Variants in LONP2 observed in about 807,000 individuals in gnomAD.
LONP2 encodes the protein lon protease homolog 2, peroxisomal.
Under a neutral mutation model 85.6 loss-of-function variants are expected in LONP2, and 60 were observed. The ratio of observed to expected loss-of-function variants is 0.70; its 90% confidence interval spans 0.57 to 0.87. The LOEUF is 0.87. LONP2 is among the 40% of genes least tolerant of loss of function. The probability of loss-of-function intolerance (pLI) is 0.00; values close to 1 mark genes in which losing one functional copy is unlikely to be tolerated. For missense variants in LONP2, 860 were observed against 1,063.5 expected (o/e 0.81, Z 2.66); for synonymous variants, 395 against 389.7 (o/e 1.01, Z -0.16).
rs1357267537 is a variant in LONP2 at position 48,311,388 on chromosome 16, A to G, written c.1795+8083A>G. Among the ~76,000 whole-genome samples, 4 of 150,636 alleles carry G rather than the reference A, an allele frequency of 2.7e-5. No individual in the cohort carries two copies. The East Asian group carries it at 7.8e-4, about 29-fold the overall frequency. On this transcript the variant is annotated intron_variant, in intron 11 of 14. Transcript: ENST00000285737. ...TTTTTTTTTTTGTCTGACTGGATTA[A>G]TTGAAAAAACCTATCTTAAAGTTCT...
At chr16:48,347,085 C>T (rs1428663916) in intron 12 of LONP2, among the ~76,000 whole-genome samples, 2 of 152,050 alleles carry the variant, frequency 1.3e-5, no homozygotes, top group Non-Finnish European at 2.9e-5. Flanking sequence ...AGCCAGGAGG[C>T]AGAGTTTTCA....
chr16:48,270,177 A>G lies in LONP2; in HGVS notation c.1144A>G (p.Thr382Ala). The change falls in exon 7 of 15, where the codon ACA (threonine) becomes GCA (alanine). Residue 382 changes from threonine to alanine, a missense_variant. Physicochemically the swap from Thr to Ala is moderately conservative, Grantham distance 58. Around this residue, in one of 3 missense-constraint regions of LONP2, gnomAD observed 743 missense variants for 917.3 expected, o/e 0.81. Transcript: ENST00000285737. ...TGTTGGCCCTCCTGGAGTTGGTAAA[A>G]CAAGTGTGGGAAGATCAGTGGCCAA... Reference protein sequence around the residue: ...CFVGPPGVGKTSVGRSVAKTL... With the variant: ...CFVGPPGVGKASVGRSVAKTL... The G allele has an allele frequency of 1.2e-6, 2 of 1,614,060 alleles. No homozygotes were observed.
At chr16:48,338,183 G>C (rs1032865105) in intron 12 of LONP2, among the ~76,000 whole-genome samples, 1 of 152,100 alleles carries the variant, frequency 6.6e-6, no homozygotes, top group Admixed American at 6.5e-5. Flanking sequence ...GTTTCTTCTA[G>C]AAAGAGTTTG....
chr16:48,351,325 G>A (rs556442665), intron 14 of LONP2, among the ~76,000 whole-genome samples: 165 of 152,252 alleles, frequency 1.1e-3, no homozygotes, highest in African/African-American at 3.7e-3. Flanking sequence ...ATCATTGACA[G>A]AAGAGGAACT....
chr16:48,275,520 A>C (rs1326483628), intron 7 of LONP2, among the ~76,000 whole-genome samples: 1 of 152,172 alleles, frequency 6.6e-6, no homozygotes, highest in Non-Finnish European at 1.5e-5. Context: ...TTATGGGGCC[A>C]GTAAGTGCTG....
intron 12 of LONP2, among the ~76,000 whole-genome samples, chr16:48,339,541 G>A (rs1959755557): frequency 6.6e-6 from 1 of 152,172 alleles, no homozygotes; most frequent in Non-Finnish European, 1.5e-5. Context: ...AGAGAATATG[G>A]ATGTCAAAGG....
At chr16:48,259,599 G>A (rs780495602) in intron 4 of LONP2, among the ~76,000 whole-genome samples, 1 of 152,198 alleles carries the variant, frequency 6.6e-6, no homozygotes, top group East Asian at 1.9e-4. Flanking sequence ...GTTCATCAGC[G>A]CAGAAGTCTT....
intron 10 of LONP2, among the ~76,000 whole-genome samples, 186 bp from the exon 11 acceptor site, chr16:48,302,986 G>T (rs1972837774): frequency 6.6e-6 from 1 of 152,202 alleles, no homozygotes; most frequent in Non-Finnish European, 1.5e-5. Context: ...TGTTGTAGCT[G>T]AAAATAGATC....
At chr16:48,280,199 T>C (rs1422380292) in intron 8 of LONP2, among the ~76,000 whole-genome samples, 3 of 152,252 alleles carry the variant, frequency 2.0e-5, no homozygotes, top group African/African-American at 4.8e-5. Flanking sequence ...TAGTTTCTTA[T>C]ATAATATCTT....
At chr16:48,314,680 G>A (rs1973104804) in intron 11 of LONP2, among the ~76,000 whole-genome samples, 1 of 152,062 alleles carries the variant, frequency 6.6e-6, no homozygotes, top group South Asian at 2.1e-4. Context: ...TCTTAAATAA[G>A]TTTTTTAAGA....
At chr16:48,256,995 A>G (rs1388437926) in intron 3 of LONP2, among the ~76,000 whole-genome samples, 1 of 152,224 alleles carries the variant, frequency 6.6e-6, no homozygotes, top group African/African-American at 2.4e-5. Flanking sequence ...GTCAATTTAC[A>G]GAAAAAGTTA....
At chr16:48,282,978 A>G (rs1972362455) in intron 8 of LONP2, among the ~76,000 whole-genome samples, 1 of 152,348 alleles carries the variant, frequency 6.6e-6, no homozygotes, top group East Asian at 1.9e-4. Flanking sequence ...AATGATAAGA[A>G]AGTGAAATGG....
intron 11 of LONP2, among the ~76,000 whole-genome samples, chr16:48,323,455 G>GATT: frequency 6.6e-6 from 1 of 152,258 alleles, no homozygotes; most frequent in South Asian, 2.1e-4. Context: ...AGGAGTTCAA[G>GATT]ATTAACCTGG....
intron 14 of LONP2, among the ~76,000 whole-genome samples, chr16:48,349,417 T>A (rs986451834): frequency 6.6e-6 from 1 of 152,198 alleles, no homozygotes; most frequent in Non-Finnish European, 1.5e-5. Flanking sequence ...ATTACAAGCA[T>A]GCGCCACCAC....
At chr16:48,247,174 C>A (rs73555652) in intron 1 of LONP2, 4 of 149,196 alleles carry the variant, frequency 2.7e-5, no homozygotes, top group African/African-American at 7.4e-5. Context: ...TAATAGTTTC[C>A]AATGTCTTTT....
chr16:48,259,208 T>TATCAAGTG (rs1222753315), intron 4 of LONP2, among the ~76,000 whole-genome samples: 1 of 152,248 alleles, frequency 6.6e-6, no homozygotes, highest in Non-Finnish European at 1.5e-5. Flanking sequence ...CCTCTAACCT[T>TATCAAGTG]CAGTGGCTTG....
intron 12 of LONP2, 64 bp from the exon 13 acceptor site, chr16:48,347,443 T>C (rs767926552): frequency 4.3e-5 from 65 of 1,509,234 alleles, no homozygotes; most frequent in Non-Finnish European, 6.0e-5. Flanking sequence ...TCTTGCAGGA[T>C]TGTGTGGTAT....
chr16:48,331,442 T>G (rs1368190670), intron 11 of LONP2, among the ~76,000 whole-genome samples: 1 of 152,242 alleles, frequency 6.6e-6, no homozygotes. Flanking sequence ...CCCTAGGACT[T>G]GGTCAGGCCA....
intron 8 of LONP2, among the ~76,000 whole-genome samples, chr16:48,283,550 A>G (rs1972374954): frequency 6.6e-6 from 1 of 152,228 alleles, no homozygotes; most frequent in Non-Finnish European, 1.5e-5. Flanking sequence ...TAAATGGAAC[A>G]ACAAAGCCTA....
Sources: allele counts gnomAD v4.1 joint callset (sites outside exome capture counted in the v4.1 genomes callset), GRCh38; gene constraint gnomAD v4.1.1; regional missense constraint gnomAD v4.1.1; transcripts MANE v1.5; gene names NCBI Gene and HGNC (gene_info 2026-07-23, HGNC 2026-07-21).